Variants in MUC17 observed in about 807,000 individuals in gnomAD.
MUC17 encodes the protein mucin 17, cell surface associated.
A neutral mutation model predicts 170.3 loss-of-function variants in MUC17; 190 were observed. That is an observed-to-expected ratio of 1.12 (90% CI 0.99 to 1.26). The LOEUF (loss-of-function observed/expected upper bound fraction) is 1.26, where lower values mean the gene tolerates loss of function less well. MUC17 is among the 50% of genes most tolerant of loss of function. The pLI is 0.00. For missense variants in MUC17, 6,415 were observed against 5,530.0 expected, an observed-to-expected ratio of 1.16 and a Z score of -5.08; for synonymous variants, 2,325 against 2,002.5, an observed-to-expected ratio of 1.16 and a Z score of -4.30.
Position 101,042,950 on chromosome 7 carries a change from C to A in MUC17, c.11534C>A (p.Pro3845His), listed in dbSNP as rs1429171657. 2 of 1,614,148 alleles carry A rather than the reference C, an allele frequency of 1.2e-6. No individual in the cohort carries two copies. The highest frequency in any genetic ancestry group is 3.3e-5 in the Admixed American group (2 of 60,026). ...ACACCTCCTGGTGATACCAGCACAC[C>A]TTTGCTCACCTCTACCAAAGCCGGT... Reference protein sequence around the residue: ...LSTPPGDTSTPLLTSTKAGSF... With the variant: ...LSTPPGDTSTHLLTSTKAGSF... The change falls in exon 3 of 13, where the codon CCT (proline) becomes CAT (histidine). Residue 3845 changes from proline to histidine, a missense_variant. By Grantham distance (77) the Pro-to-His change is moderately conservative. Transcript: ENST00000306151.
intron 1 of MUC17, among the ~76,000 whole-genome samples, chr7:101,027,780 T>C (rs532049698): frequency 6.7e-6 from 1 of 149,466 alleles, no homozygotes; most frequent in East Asian, 1.9e-4. Flanking sequence ...AAAAAATTTC[T>C]TTTTTTTTTG....
At chr7:101,049,255 ACCT>A in intron 5 of MUC17, 66 bp from the exon 6 acceptor site, 2 of 1,605,560 alleles carry the variant, frequency 1.2e-6, no homozygotes, top group Non-Finnish European at 8.5e-7. Flanking sequence ...TGGTCCTGTG[ACCT>A]CCTGATGTCC....
chr7:101,035,459 T>A lies in MUC17; in HGVS notation c.4043T>A (p.Leu1348Gln), dbSNP rs4269454. The A allele has an allele frequency of 6.2e-7, 1 of 1,612,924 alleles. No homozygotes were observed. Among genetic ancestry groups the A allele is most frequent in the Non-Finnish European group, 8.5e-7 (1 of 1,179,630 alleles). ...ACAAGTATACCTGTCAACACCACAC[T>A]GGTGGCCAGTTCTGCAATCAGCATC... ...PLTSIPVNTT[L>Q]VASSAISILS... The change falls in exon 3 of 13, where the codon CTG becomes CAG. Residue 1348 changes from leucine (L) to glutamine (Q), a missense_variant. Transcript: ENST00000306151.
chr7:101,034,353 T>A lies in MUC17; in HGVS notation c.2937T>A (p.Ser979Arg). ...CCAGCATACCAACCTCGACTCCTAG[T>A]GAAGGAACGACTCCATTAACAAGCA... ...EGTSIPTSTP[S>R]EGTTPLTSTP... The change falls in exon 3 of 13, where the codon AGT becomes AGA. Residue 979 changes from serine to arginine, a missense_variant. Ser to Arg is a moderately radical substitution (Grantham distance 110). Coordinates refer to ENST00000306151, the MANE Select transcript of MUC17 (RefSeq NM_001040105.2). 1 of 1,608,604 alleles carries A rather than the reference T, an allele frequency of 6.2e-7. No homozygotes were observed. The highest frequency in any genetic ancestry group is 1.1e-5 in the South Asian group (1 of 90,214).
chr7:101,056,660 T>C (rs1795051606), intron 12 of MUC17, among the ~76,000 whole-genome samples: 1 of 152,252 alleles, frequency 6.6e-6, no homozygotes, highest in Non-Finnish European at 1.5e-5. Flanking sequence ...TTTCTTTGTA[T>C]TGATCTATTC....
In MUC17 at chr7:101,035,276, C is replaced by G. The variant is rs765789494; in HGVS notation, c.3860C>G (p.Thr1287Ser). The change falls in exon 3 of 13, where the codon ACC (threonine) becomes AGC (serine). Residue 1287 changes from threonine (T) to serine (S), a missense_variant. Coordinates refer to ENST00000306151, the MANE Select transcript of MUC17 (RefSeq NM_001040105.2). ...CTATTAACAAGTATACCTGTCAGCACCACGCTGGTGACCAGTCCTGAGGCT... is the reference window on the plus strand; with the variant it reads ...CTATTAACAAGTATACCTGTCAGCAGCACGCTGGTGACCAGTCCTGAGGCT... ...STLLTSIPVS[T>S]TLVTSPEAST... 6.2e-7 allele frequency: 1 copy of G among 1,609,086 alleles called. No individual in the cohort carries two copies.
intron 7 of MUC17, among the ~76,000 whole-genome samples, chr7:101,051,364 CAAAAAAAAAAAAA>C (rs398005597): frequency 0.031 from 1,612 of 52,226 alleles, 51 homozygotes; most frequent in Non-Finnish European, 0.029. Context: ...TACTCCATCT[CAAAAAAAAAAAAA>C]AAAAAAAAAA....
rs755172560 is a variant in MUC17, at chr7:101,041,547, C to T, written c.10131C>T (p.Ala3377=). 3 of 1,613,130 alleles carry T rather than the reference C, an allele frequency of 1.9e-6. No individual in the cohort carries two copies. Among genetic ancestry groups the T allele is most frequent in the Non-Finnish European group, 1.7e-6 (2 of 1,179,876 alleles). Residue 3377 remains alanine (A), a synonymous_variant, in exon 3 of 13, where the codon GCC becomes GCT. Coordinates refer to ENST00000306151, the MANE Select transcript of MUC17 (RefSeq NM_001040105.2). ...TSTPVTTSTE[A]SLSPTTAEGT... is the part of the protein sequence containing the mutation. ...CACCTGTCACCACTTCTACTGAAGC[C>T]AGTTTATCTCCTACAACTGCTGAAG...
intron 9 of MUC17, 97 bp downstream of exon 9, chr7:101,052,059 C>A: frequency 7.0e-7 from 1 of 1,424,424 alleles, no homozygotes; most frequent in South Asian, 1.3e-5. Context: ...AGACCAAGGT[C>A]ATGGGACTAG....
rs749010750 is a variant in MUC17 at position 101,035,014 on chromosome 7, C to G, written c.3598C>G (p.Pro1200Ala). ...QVATSTEASSPPPTAEVTSMP... is the reference protein window; with the variant it reads ...QVATSTEASSAPPTAEVTSMP... ...GGCCACTTCTACTGAAGCCAGTTCACCTCCTCCAACTGCTGAAGTTACCAG... is the reference window on the plus strand; with the variant it reads ...GGCCACTTCTACTGAAGCCAGTTCAGCTCCTCCAACTGCTGAAGTTACCAG... The change falls in exon 3 of 13, where the codon CCT becomes GCT. Residue 1200 changes from proline (P) to alanine (A), a missense_variant. Physicochemically the swap from Pro to Ala is conservative, Grantham distance 27. Coordinates refer to ENST00000306151, the MANE Select transcript of MUC17 (RefSeq NM_001040105.2). The G allele has an allele frequency of 3.1e-6, 5 of 1,612,980 alleles. No individual in the cohort carries two copies. The African/African-American group carries it at 5.4e-5, about 17-fold the overall frequency.
rs565118002 is a variant in MUC17 at position 101,033,221 on chromosome 7, C to A, written c.1805C>A (p.Thr602Asn). 5 of 1,614,136 alleles carry A rather than the reference C, an allele frequency of 3.1e-6. No individual in the cohort carries two copies. Among genetic ancestry groups the A allele is most frequent in the South Asian group, 1.1e-5 (1 of 91,086 alleles). ...CCTGCTGACTCCAACACTTTTGTGA[C>A]CACTTCTAGTGAAGCTAGTTCATCT... ...TTPADSNTFVTTSSEASSSST... is the reference protein window; with the variant it reads ...TTPADSNTFVNTSSEASSSST... The change falls in exon 3 of 13, where the codon ACC (threonine) becomes AAC (asparagine). Residue 602 changes from threonine to asparagine, a missense_variant. Thr to Asn is a moderately conservative substitution (Grantham distance 65). Coordinates refer to ENST00000306151, the MANE Select transcript of MUC17 (RefSeq NM_001040105.2).
intron 5 of MUC17, 133 bp downstream of exon 5, chr7:101,049,105 G>A (rs541007040): frequency 2.1e-6 from 3 of 1,451,506 alleles, no homozygotes; most frequent in South Asian, 2.5e-5. Context: ...CGTCCTCAGG[G>A]CTTGCCAGTG....
intron 1 of MUC17, among the ~76,000 whole-genome samples, chr7:101,026,156 C>T (rs1051069552): frequency 1.3e-5 from 2 of 152,216 alleles, no homozygotes; most frequent in Admixed American, 6.5e-5. Context: ...CTTCCCACCT[C>T]TTAGGGGTCA....
At position 101,040,038 on chromosome 7, in the gene MUC17, A is replaced by G. The variant is rs575565040; in HGVS notation, c.8622A>G (p.Ile2874Met). 354 of 1,606,750 alleles carry G rather than the reference A, an allele frequency of 2.2e-4. 5 individuals carry two copies. The South Asian group carries it at 3.5e-3, about 16-fold the overall frequency. Residue 2874 changes from isoleucine (I) to methionine (M), a missense_variant, in exon 3 of 13, where the codon ATA (isoleucine) becomes ATG (methionine). By Grantham distance (10) the Ile-to-Met change is conservative (BLOSUM62 1). Transcript: ENST00000306151. ...AAGGAAGTACTCTATTAACAAGTAT[A>G]CCTGTCAGCACCACGCCGGTGGCCA... Reference protein sequence around the residue: ...ASEGSTLLTSIPVSTTPVASS... With the variant: ...ASEGSTLLTSMPVSTTPVASS...
intron 1 of MUC17, among the ~76,000 whole-genome samples, chr7:101,024,527 C>T (rs1794147761): frequency 6.6e-6 from 1 of 152,160 alleles, no homozygotes; most frequent in African/African-American, 2.4e-5. Flanking sequence ...CCCCATCCTC[C>T]CACCTCCCAT....
chr7:101,020,287 TC>T, intron 1 of MUC17, 70 bp downstream of exon 1: 4 of 1,378,046 alleles, frequency 2.9e-6, no homozygotes, highest in Admixed American at 2.1e-5. Flanking sequence ...TGTCTGCCCA[TC>T]CCCGAGGGAG....
intron 1 of MUC17, among the ~76,000 whole-genome samples, chr7:101,027,869 T>C (rs767505198): frequency 2.0e-5 from 3 of 151,792 alleles, no homozygotes; most frequent in Non-Finnish European, 4.4e-5. Flanking sequence ...CCTTTAGGGC[T>C]CAAGCAGTTC....
rs770479083 is a variant in MUC17 at position 101,039,473 on chromosome 7, C to A, written c.8057C>A (p.Thr2686Asn). The change falls in exon 3 of 13, where the codon ACT becomes AAT. Residue 2686 changes from threonine (T) to asparagine (N), a missense_variant. By Grantham distance (65) the Thr-to-Asn change is moderately conservative. Coordinates refer to ENST00000306151, the MANE Select transcript of MUC17 (RefSeq NM_001040105.2). ...TAEGSSMPTS[T>N]PGERSTPLTN... ...GAAGGTAGCAGCATGCCAACCTCAA[C>A]TCCTGGTGAAAGAAGCACTCCATTA... The A allele has an allele frequency of 5.0e-6, 8 of 1,611,586 alleles. 1 individual carries two copies. In the South Asian group the frequency reaches 7.7e-5, roughly 16 times the overall value.
In MUC17 at chr7:101,042,555, C is replaced by A. The variant is rs1365479472; in HGVS notation, c.11139C>A (p.Thr3713=). The stretch of plus-strand genomic sequence containing the variant: ...GTGTGACCAGCTCTGAGGGTAGCAC[C>A]CTTTCAACACCTTCTGTTGTCACCA... ...TTRVTSSEGS[T]LSTPSVVTST... is the part of the protein sequence containing the mutation. Residue 3713 remains threonine (T), a synonymous_variant, in exon 3 of 13, where the codon ACC becomes ACA. Coordinates refer to ENST00000306151, the MANE Select transcript of MUC17 (RefSeq NM_001040105.2). 1 of 1,613,594 alleles carries A rather than the reference C, an allele frequency of 6.2e-7. No homozygotes were observed. Among genetic ancestry groups the A allele is most frequent in the Non-Finnish European group, 8.5e-7 (1 of 1,179,870 alleles).
Sources: gnomAD v4.1 joint callset for allele counts (sites outside exome capture counted in the v4.1 genomes callset) on GRCh38, gnomAD v4.1.1 for gene constraint, MANE v1.5 for transcripts, NCBI Gene and HGNC (gene_info 2026-07-23, HGNC 2026-07-21) for gene names.